The following USP37 variants were observed in gnomAD, a reference collection of about 807,000 sequenced individuals.
USP37 encodes ubiquitin specific peptidase 37.
Under a neutral mutation model 124.0 loss-of-function variants are expected in USP37, and 27 were observed. That is an observed-to-expected ratio of 0.22 (90% confidence interval 0.16 to 0.30). The LOEUF is 0.30. Ranked by LOEUF, USP37 falls within the 10% of genes least tolerant of loss-of-function variation. The probability of loss-of-function intolerance (pLI) is 1.00; values close to 1 mark genes in which losing one functional copy is unlikely to be tolerated. For synonymous variants in USP37, 365 were observed against 388.0 expected, an observed-to-expected ratio of 0.94 and a Z score of 0.70; for missense variants, 889 against 1,140.4, an observed-to-expected ratio of 0.78 and a Z score of 3.17.
intron 8 of USP37, 55 bp from the exon 9 acceptor site, chr2:218,534,761 T>G (rs1691527935): frequency 8.6e-7 from 1 of 1,164,292 alleles, no homozygotes; most frequent in Admixed American, 2.6e-5. Context: ...ATATTGTTCT[T>G]AATTTTAAAT....
At chr2:218,566,498 T>C (rs1693601623) in intron 1 of USP37, among the ~76,000 whole-genome samples, 1 of 152,222 alleles carries the variant, frequency 6.6e-6, no homozygotes. Flanking sequence ...GGAAGTCATA[T>C]ATGGTTGGTT....
chr2:218,470,440 TC>T (rs1360604479), intron 20 of USP37, among the ~76,000 whole-genome samples: 1 of 152,226 alleles, frequency 6.6e-6, no homozygotes, highest in Non-Finnish European at 1.5e-5. Context: ...ACTGTTTTTT[TC>T]TAACTTCTGT....
chr2:218,455,919 G>A (rs527593903), intron 24 of USP37, among the ~76,000 whole-genome samples: 279 of 152,150 alleles, frequency 1.8e-3, no homozygotes, highest in African/African-American at 6.5e-3. Flanking sequence ...GGTGGCGTGC[G>A]CCTGTAGTCC....
At chr2:218,508,932 C>T (rs1689829903) in intron 11 of USP37, among the ~76,000 whole-genome samples, 1 of 152,140 alleles carries the variant, frequency 6.6e-6, no homozygotes, top group South Asian at 2.1e-4. Flanking sequence ...AGATTAAAAA[C>T]AAATAAGTTA....
chr2:218,497,817 A>G lies in USP37; in HGVS notation c.1198T>C (p.Ser400Pro). The change falls in exon 13 of 26, where the codon TCA becomes CCA. Residue 400 changes from serine (S) to proline (P), a missense_variant. By Grantham distance (74) the Ser-to-Pro change is moderately conservative. This residue lies in a region of USP37 where 504 missense variants were observed against 714.3 expected (regional missense o/e 0.71). Coordinates refer to ENST00000258399, the MANE Select transcript of USP37 (RefSeq NM_020935.3). Reference protein sequence around the residue: ...HLLVKKDICNSETKKDLLKKV... With the variant: ...HLLVKKDICNPETKKDLLKKV... ...TTGAGTAAATCCTTTTTGGTCTCTG[A>G]ATTACAGATATCTTTTTTAACAAGC... is the stretch of plus-strand genomic sequence containing the variant. 3.1e-6 allele frequency: 5 copies of G among 1,614,050 alleles called. No individual in the cohort carries two copies. Among genetic ancestry groups the G allele is most frequent in the Non-Finnish European group, 4.2e-6 (5 of 1,180,008 alleles).
chr2:218,478,614 C>A (rs1315458596), intron 18 of USP37, among the ~76,000 whole-genome samples: 2 of 152,146 alleles, frequency 1.3e-5, no homozygotes, highest in African/African-American at 2.4e-5. Context: ...TACAATGATG[C>A]CCAATGAAAT....
chr2:218,457,051 T>C (rs1689739252), intron 24 of USP37, 41 bp downstream of exon 24: 1 of 1,582,794 alleles, frequency 6.3e-7, no homozygotes, highest in East Asian at 2.2e-5. Context: ...AAATGCTGAC[T>C]AGTTCATTTA....
intron 10 of USP37, among the ~76,000 whole-genome samples, chr2:218,516,638 C>T (rs1690301136): frequency 6.6e-6 from 1 of 152,094 alleles, no homozygotes; most frequent in Non-Finnish European, 1.5e-5. Flanking sequence ...AGCAAACTAC[C>T]ATGGCACATG....
At position 218,495,945 on chromosome 2, in the gene USP37, A is replaced by G. The variant is rs1250353402; in HGVS notation, c.1287T>C (p.Ala429=). 1.2e-6 allele frequency: 2 copies of G among 1,609,034 alleles called. No homozygotes were observed. The highest frequency in any genetic ancestry group is 1.7e-6 in the Non-Finnish European group (2 of 1,178,714). ...CCAAACACTGACTTAAAAATTCATG[A>G]GCATCCTAATAAGACAACAATATCC... ...ERFSGYMQND[A]HEFLSQCLDQ... is the part of the protein sequence containing the mutation. The change falls in exon 14 of 26, where the codon GCT becomes GCC. Residue 429 remains alanine, a synonymous_variant. Transcript: ENST00000258399.
At chr2:218,481,173 C>A (rs1199357861) in intron 17 of USP37, among the ~76,000 whole-genome samples, 1 of 152,052 alleles carries the variant, frequency 6.6e-6, no homozygotes, top group East Asian at 1.9e-4. Context: ...CAAAGAAGTC[C>A]GAAGGTTTTC....
intron 10 of USP37, among the ~76,000 whole-genome samples, chr2:218,520,604 A>G (rs1203284855): frequency 6.6e-6 from 1 of 152,004 alleles, no homozygotes; most frequent in African/African-American, 2.4e-5. Context: ...GGCCCACCAC[A>G]GCCTCCCAAA....
intron 10 of USP37, among the ~76,000 whole-genome samples, chr2:218,521,827 T>G (rs898037427): frequency 9.2e-5 from 14 of 152,256 alleles, no homozygotes; most frequent in African/African-American, 2.9e-4. Context: ...CTCCAGGGAT[T>G]AAAGATTAAT....
intron 10 of USP37, among the ~76,000 whole-genome samples, chr2:218,521,206 A>T: frequency 6.6e-6 from 1 of 151,832 alleles, no homozygotes; most frequent in East Asian, 1.9e-4. Context: ...TGTCAACTAA[A>T]CCTCTTTTCT....
At chr2:218,455,159 G>T in intron 25 of USP37, 142 bp from the exon 26 acceptor site, 1 of 1,050,876 alleles carries the variant, frequency 9.5e-7, no homozygotes, top group East Asian at 2.5e-5. Context: ...TTAAAAAGCA[G>T]CTCACTCATT....
intron 8 of USP37, among the ~76,000 whole-genome samples, chr2:218,541,182 G>C (rs535806978): frequency 6.6e-6 from 1 of 152,246 alleles, no homozygotes; most frequent in African/African-American, 2.4e-5. Context: ...TAGATTTTGT[G>C]GGTCCTAGTT....
At chr2:218,500,465 C>G (rs1037656814) in intron 11 of USP37, among the ~76,000 whole-genome samples, 1 of 151,640 alleles carries the variant, frequency 6.6e-6, no homozygotes, top group Non-Finnish European at 1.5e-5. Flanking sequence ...TCATGTTGAT[C>G]AGGTTTGTCT....
chr2:218,463,516 G>C (rs1690141629), intron 21 of USP37, 150 bp from the exon 22 acceptor site: 1 of 623,220 alleles, frequency 1.6e-6, no homozygotes, highest in Non-Finnish European at 2.7e-6. Flanking sequence ...TGAGGAATGT[G>C]GGGAAGTTCT....
chr2:218,488,744 T>G (rs1418534424), intron 14 of USP37, among the ~76,000 whole-genome samples: 1 of 152,116 alleles, frequency 6.6e-6, no homozygotes. Context: ...CAAGCGATTC[T>G]CCTGCCTCAG....
chr2:218,539,237 G>A (rs1479351469), intron 8 of USP37, among the ~76,000 whole-genome samples: 1 of 152,090 alleles, frequency 6.6e-6, no homozygotes, highest in African/African-American at 2.4e-5. Flanking sequence ...GGGATTACAG[G>A]TATTAGCCAC....
Sources: allele counts gnomAD v4.1 joint callset (sites outside exome capture counted in the v4.1 genomes callset), GRCh38; gene constraint gnomAD v4.1.1; regional missense constraint gnomAD v4.1.1; transcripts MANE v1.5; gene names NCBI Gene and HGNC (gene_info 2026-07-23, HGNC 2026-07-21).